The following CYP2C19 variants were observed in gnomAD, a reference collection of about 807,000 sequenced individuals.
The protein encoded by CYP2C19 is cytochrome P450 2C19.
In CYP2C19, 59 loss-of-function variants were observed where a neutral mutation model predicts 40.9. That is an observed-to-expected ratio of 1.44 (90% CI 1.17 to 1.79). CYP2C19 has a LOEUF of 1.79. Among genes scored for constraint, CYP2C19 ranks in the 40% most tolerant of loss-of-function variants. The probability of loss-of-function intolerance (pLI) is 0.00; values close to 1 mark genes in which losing one functional copy is unlikely to be tolerated. For missense variants in CYP2C19, 754 were observed against 596.9 expected (o/e 1.26, Z -2.74); for synonymous variants, 253 against 208.7 (o/e 1.21, Z -1.83).
intron 6 of CYP2C19, among the ~76,000 whole-genome samples, chr10:94,824,846 C>A (rs1849189489): frequency 7.2e-6 from 1 of 138,700 alleles, no homozygotes; most frequent in African/African-American, 2.7e-5. Flanking sequence ...GTGATATTCC[C>A]CTTCCTGTGT....
intron 7 of CYP2C19, among the ~76,000 whole-genome samples, chr10:94,844,720 A>T (rs540576513): frequency 2.0e-5 from 3 of 152,314 alleles, no homozygotes; most frequent in Non-Finnish European, 4.4e-5. Flanking sequence ...TTAGTACAAG[A>T]GTTAAGACTT....
Position 94,775,048 on chromosome 10 carries a change from C to T in CYP2C19, c.169-10C>T. 6.2e-7 allele frequency: 1 copy of T among 1,613,794 alleles called. No homozygotes were observed. The highest frequency in any genetic ancestry group is 1.1e-5 in the South Asian group (1 of 91,048). The stretch of plus-strand genomic sequence containing the variant: ...ACTTCATTTGCTGTTAACTGTATCT[C>T]CTTTTCTAGCTCTCAAAAATCTATG... On this transcript the variant is annotated splice_polypyrimidine_tract_variant and intron_variant, in intron 1 of 8. Coordinates refer to ENST00000371321, the MANE Select transcript of CYP2C19 (RefSeq NM_000769.4).
intron 5 of CYP2C19, among the ~76,000 whole-genome samples, chr10:94,811,935 T>C (rs1179360468): frequency 6.7e-6 from 1 of 148,304 alleles, no homozygotes; most frequent in Non-Finnish European, 1.5e-5. Context: ...CTGATTATTT[T>C]GCCTTTTAGT....
intron 5 of CYP2C19, among the ~76,000 whole-genome samples, chr10:94,796,091 G>A (rs895497272): frequency 6.6e-6 from 1 of 152,060 alleles, no homozygotes; most frequent in Non-Finnish European, 1.5e-5. Flanking sequence ...TGTCCTGAAT[G>A]GTATTGCCTA....
At chr10:94,780,365 T>C (rs565636061) in intron 3 of CYP2C19, 134 bp from the exon 4 acceptor site, 4 of 1,155,292 alleles carry the variant, frequency 3.5e-6, no homozygotes, top group East Asian at 2.6e-5. Context: ...CATGCCAAAC[T>C]CTTTTTTGCT....
At chr10:94,793,227 A>C (rs1309188221) in intron 5 of CYP2C19, among the ~76,000 whole-genome samples, 1 of 152,032 alleles carries the variant, frequency 6.6e-6, no homozygotes, top group African/African-American at 2.4e-5. Flanking sequence ...GGTCTTCCCT[A>C]TGCTGTTTAT....
At chr10:94,816,514 A>G (rs1849004939) in intron 5 of CYP2C19, among the ~76,000 whole-genome samples, 2 of 152,102 alleles carry the variant, frequency 1.3e-5, no homozygotes, top group African/African-American at 4.8e-5. Flanking sequence ...TTTGTTTAAC[A>G]GTCTTTGTAC....
intron 5 of CYP2C19, among the ~76,000 whole-genome samples, chr10:94,815,777 T>A (rs1028247250): frequency 6.6e-6 from 1 of 152,222 alleles, no homozygotes; most frequent in East Asian, 1.9e-4. Flanking sequence ...TCTCTTTCTC[T>A]ATAATTTATT....
chr10:94,780,914 CCT>C (rs1234311589), intron 4 of CYP2C19, among the ~76,000 whole-genome samples: 1 of 152,098 alleles, frequency 6.6e-6, no homozygotes, highest in African/African-American at 2.4e-5. Flanking sequence ...ACTCCAAAGC[CCT>C]GTTTCTATAA....
intron 5 of CYP2C19, among the ~76,000 whole-genome samples, chr10:94,790,275 A>G (rs1274237380): frequency 6.6e-6 from 1 of 152,132 alleles, no homozygotes; most frequent in African/African-American, 2.4e-5. Context: ...TAAATATAAA[A>G]TCATGTCATC....
chr10:94,785,914 G>A (rs1848533944), intron 5 of CYP2C19, among the ~76,000 whole-genome samples: 1 of 152,052 alleles, frequency 6.6e-6, no homozygotes, highest in African/African-American at 2.4e-5. Flanking sequence ...AATAACATTA[G>A]AGTGGGTTGG....
At chr10:94,816,011 A>G (rs951253046) in intron 5 of CYP2C19, among the ~76,000 whole-genome samples, 3 of 152,174 alleles carry the variant, frequency 2.0e-5, no homozygotes, top group African/African-American at 7.2e-5. Context: ...TTAACAGAAA[A>G]TGTCTTTATG....
At chr10:94,831,182 T>G (rs1331515521) in intron 6 of CYP2C19, among the ~76,000 whole-genome samples, 1 of 152,202 alleles carries the variant, frequency 6.6e-6, no homozygotes, top group Non-Finnish European at 1.5e-5. Context: ...TCCAATTTCA[T>G]TCATGTTGTT....
At chr10:94,828,380 G>T (rs557986724) in intron 6 of CYP2C19, among the ~76,000 whole-genome samples, 1 of 151,054 alleles carries the variant, frequency 6.6e-6, no homozygotes, top group South Asian at 2.1e-4. Context: ...AGCATAGTTA[G>T]CTCTTCTTGT....
chr10:94,829,914 G>T (rs556882576), intron 6 of CYP2C19, among the ~76,000 whole-genome samples: 2 of 152,086 alleles, frequency 1.3e-5, no homozygotes, highest in Non-Finnish European at 2.9e-5. Context: ...ATAACCTGCC[G>T]TGTGAGGTGT....
In CYP2C19 at chr10:94,773,547, C is replaced by T. The variant is rs115449448; in HGVS notation, c.169-1511C>T. 4.8e-3 allele frequency among the ~76,000 whole-genome samples: 731 copies of T among 152,176 alleles called. 3 individuals carry two copies. Among genetic ancestry groups the T allele is most frequent in the African/African-American group, 0.017 (688 of 41,536 alleles). On this transcript the variant is annotated intron_variant, in intron 1 of 8. Transcript: ENST00000371321. ...CAGACCTTCTCAGTGAGTGTTACTG[C>T]TCTTAAAGGTGGTGTGTCGAGTTGT...
intron 7 of CYP2C19, 55 bp downstream of exon 7, chr10:94,843,079 C>T: frequency 6.3e-7 from 1 of 1,594,442 alleles, no homozygotes; most frequent in Non-Finnish European, 8.6e-7. Context: ...CTCAAATTCA[C>T]AGTATGATTC....
chr10:94,834,241 T>A (rs896747178), intron 6 of CYP2C19, among the ~76,000 whole-genome samples: 8 of 152,182 alleles, frequency 5.3e-5, no homozygotes, highest in African/African-American at 1.9e-4. Flanking sequence ...GTCATATATG[T>A]CTAAGGATTT....
intron 5 of CYP2C19, among the ~76,000 whole-genome samples, chr10:94,793,332 C>T (rs1226151497): frequency 6.6e-6 from 1 of 151,870 alleles, no homozygotes; most frequent in Non-Finnish European, 1.5e-5. Flanking sequence ...TTTGTTATTA[C>T]CGATCATCTG....
Sources: allele counts gnomAD v4.1 joint callset (sites outside exome capture counted in the v4.1 genomes callset), GRCh38; gene constraint gnomAD v4.1.1; transcripts MANE v1.5; gene names NCBI Gene and HGNC (gene_info 2026-07-23, HGNC 2026-07-21).